The following A2ML1 variants were observed in gnomAD, a reference collection of about 807,000 sequenced individuals.
The protein encoded by A2ML1 is alpha-2-macroglobulin-like protein 1.
Under a neutral mutation model 181.9 loss-of-function variants are expected in A2ML1, and 161 were observed. The ratio of observed to expected loss-of-function variants is 0.89; its 90% CI spans 0.78 to 1.01. The LOEUF (loss-of-function observed/expected upper bound fraction) is 1.01, where lower values mean the gene tolerates loss of function less well. Among genes scored for constraint, A2ML1 ranks in the 50% least tolerant of loss-of-function variants. A2ML1 has a pLI of 0.00. For missense variants in A2ML1, 1,670 were observed against 1,768.1 expected (o/e 0.94, Z 1.00); for synonymous variants, 663 against 666.8 (o/e 0.99, Z 0.09).
chr12:8,832,973 A>T (rs1365813057), intron 4 of A2ML1, among the ~76,000 whole-genome samples: 18 of 61,434 alleles, frequency 2.9e-4, no homozygotes, highest in Admixed American at 9.8e-4. Context: ...CGGAAATGCT[A>T]CTTTCCTTTT....
intron 33 of A2ML1, among the ~76,000 whole-genome samples, chr12:8,873,979 A>C (rs1202073166): frequency 1.3e-5 from 2 of 152,098 alleles, no homozygotes; most frequent in African/African-American, 2.4e-5. Context: ...GTAGCGGTAC[A>C]TAGAGGGTTT....
chr12:8,837,027 T>A (rs2136771721), intron 7 of A2ML1, among the ~76,000 whole-genome samples: 1 of 152,112 alleles, frequency 6.6e-6, no homozygotes, highest in African/African-American at 2.4e-5. Flanking sequence ...AGAGCTTGCT[T>A]TCTTCTTTTT....
intron 15 of A2ML1, 134 bp from the exon 16 acceptor site, chr12:8,848,586 G>A (rs1943782464): frequency 1.7e-5 from 11 of 664,644 alleles, no homozygotes; most frequent in Non-Finnish European, 2.4e-5. Context: ...ATGACAGAAT[G>A]AATATAAAAA....
At position 8,852,286 on chromosome 12, in the gene A2ML1, G is replaced by A. The variant is rs1943919762; in HGVS notation, c.2540G>A (p.Cys847Tyr). The stretch of plus-strand genomic sequence containing the variant: ...GATTCTCAGACCTCCAGTTGTCTCT[G>A]TGCTGATGACGCAAAAACCCACCAC... Reference protein sequence around the residue: ...WADSQTSSCLCADDAKTHHWN... With the variant: ...WADSQTSSCLYADDAKTHHWN... The change falls in exon 20 of 36, where the codon TGT (cysteine) becomes TAT (tyrosine). Residue 847 changes from cysteine to tyrosine, a missense_variant. Physicochemically the swap from Cys to Tyr is radical, Grantham distance 194 (BLOSUM62 -2). Transcript: ENST00000299698. This position sits in a 1 kb window ranked among gnomAD's most constrained non-coding sequence, Gnocchi z 4.2. 3.1e-6 allele frequency: 5 copies of A among 1,614,144 alleles called. No individual in the cohort carries two copies. Among genetic ancestry groups the A allele is most frequent in the African/African-American group, 1.3e-5 (1 of 75,020 alleles).
rs1281571802 is a variant in A2ML1, at chr12:8,857,342, T to C, written c.3025+2T>C. The C allele has an allele frequency of 1.9e-6, 3 of 1,613,830 alleles. No homozygotes were observed. The highest frequency in any genetic ancestry group is 1.7e-4 in the Middle Eastern group (1 of 6,026). ...GGGCAGTGGGTTTCCTGGAAATAGG[T>C]AAGTTGGTTCAGTCTTTCTTTCTTG... On this transcript the variant is annotated splice_donor_variant, in intron 24 of 35. Coordinates refer to ENST00000299698, the MANE Select transcript of A2ML1 (RefSeq NM_144670.6). LOFTEE classifies it high-confidence loss of function.
intron 7 of A2ML1, 143 bp downstream of exon 7, chr12:8,836,482 T>C (rs1267890872): frequency 2.6e-4 from 13 of 49,934 alleles, no homozygotes; most frequent in South Asian, 5.0e-4. Context: ...ATCCAAGACC[T>C]TTTTTTTTTT....
intron 20 of A2ML1, among the ~76,000 whole-genome samples, chr12:8,853,877 T>C (rs1485504402): frequency 6.6e-6 from 1 of 152,140 alleles, no homozygotes; most frequent in Non-Finnish European, 1.5e-5. Flanking sequence ...ACTCAATGGA[T>C]GTAAATATCA....
At chr12:8,863,025 G>A (rs2377610) in intron 28 of A2ML1, among the ~76,000 whole-genome samples, 142,834 of 152,010 alleles carry the variant, frequency 0.94, 67,745 homozygotes, top group East Asian at 1. Context: ...CATATAGTTG[G>A]CCTCATTAGC....
intron 12 of A2ML1, 52 bp from the exon 13 acceptor site, chr12:8,845,390 G>A (rs372894760): frequency 6.3e-7 from 1 of 1,596,810 alleles, no homozygotes; most frequent in South Asian, 1.1e-5. Flanking sequence ...GTTGGTCCAA[G>A]GTGAAATTAC....
chr12:8,832,724 G>T (rs776383621), intron 4 of A2ML1, among the ~76,000 whole-genome samples: 2 of 152,280 alleles, frequency 1.3e-5, no homozygotes, highest in African/African-American at 4.8e-5. Flanking sequence ...CTGCTGAGAG[G>T]GGGCGTAGTG....
chr12:8,836,107 TA>T, intron 6 of A2ML1, 147 bp from the exon 7 acceptor site: 2 of 628,802 alleles, frequency 3.2e-6, no homozygotes, highest in Non-Finnish European at 5.6e-6. Context: ...CTGAACCAGC[TA>T]ATTACTTCAG....
At position 8,851,645 on chromosome 12, in the gene A2ML1, A is replaced by C; in HGVS notation, c.2235-139A>C. Reference sequence around the variant, plus strand: ...GGCCTCAAACTGCTGGGCTGAAGCTATCTGCTCACCTCAGCCTCTCAAAGA... The same window carrying C: ...GGCCTCAAACTGCTGGGCTGAAGCTCTCTGCTCACCTCAGCCTCTCAAAGA... On this transcript the variant is annotated intron_variant, in intron 18 of 35. Transcript: ENST00000299698. 4.0e-6 allele frequency: 3 copies of C among 757,210 alleles called. No individual in the cohort carries two copies. The South Asian group carries it at 5.2e-5, about 13-fold the overall frequency. The allele number at this position is 757,210 out of a possible 1,614,324, so 46.9% of individuals were successfully genotyped here.
chr12:8,834,585 G>T, intron 4 of A2ML1, 77 bp from the exon 5 acceptor site: 1 of 1,545,588 alleles, frequency 6.5e-7, no homozygotes, highest in South Asian at 1.1e-5. Context: ...AATTCTTTGT[G>T]AACTTTTGCT....
intron 7 of A2ML1, among the ~76,000 whole-genome samples, chr12:8,885,267 T>TTAAATAGCG (rs1944911021): frequency 6.6e-6 from 1 of 152,136 alleles, no homozygotes; most frequent in Non-Finnish European, 1.5e-5. Context: ...GAATCTTGCC[T>TTAAATAGCG]GGGTGTGGTG....
At chr12:8,839,066 A>G in intron 9 of A2ML1, 47 bp from the exon 10 acceptor site, 2 of 1,278,084 alleles carry the variant, frequency 1.6e-6, no homozygotes, top group Non-Finnish European at 2.2e-6. Context: ...CGTGAAGATG[A>G]GAATATCAGG....
At chr12:8,861,639 C>T (rs370927490) in intron 28 of A2ML1, among the ~76,000 whole-genome samples, 17 of 152,002 alleles carry the variant, frequency 1.1e-4, no homozygotes, top group African/African-American at 3.9e-4. Context: ...AGGCGCCCAC[C>T]ACCACGCCCG....
At chr12:8,871,995 C>G (rs781083679) in intron 33 of A2ML1, among the ~76,000 whole-genome samples, 1 of 151,904 alleles carries the variant, frequency 6.6e-6, no homozygotes, top group African/African-American at 2.4e-5. Context: ...CTGGCTAACA[C>G]AGTGAAACCC....
chr12:8,823,217 T>C lies in A2ML1; in HGVS notation c.98T>C (p.Phe33Ser). Reference sequence around the variant, plus strand: ...GTGACATTACCAGCCCGGCTAAATTTCCCCTCCGTTCAGAAGGTTTGTTTG... The same window carrying C: ...GTGACATTACCAGCCCGGCTAAATTCCCCCTCCGTTCAGAAGGTTTGTTTG... The part of the protein sequence containing the change: ...YLVTLPARLN[F>S]PSVQKVCLDL... Residue 33 changes from phenylalanine to serine, a missense_variant, in exon 2 of 36, where the codon TTC (phenylalanine) becomes TCC (serine). Coordinates refer to ENST00000299698, the MANE Select transcript of A2ML1 (RefSeq NM_144670.6). 4 of 1,613,918 alleles carry C rather than the reference T, an allele frequency of 2.5e-6. No homozygotes were observed. Among genetic ancestry groups the C allele is most frequent in the Middle Eastern group, 1.6e-4 (1 of 6,062 alleles).
chr12:8,884,224 A>ATTTTTTTTT (rs202171810), intron 7 of A2ML1, among the ~76,000 whole-genome samples: 1 of 93,728 alleles, frequency 1.1e-5, no homozygotes, highest in African/African-American at 4.0e-5. Context: ...TCTTTTTTTT[A>ATTTTTTTTT]TTTTTTGTTT....
Sources: allele counts gnomAD v4.1 joint callset (sites outside exome capture counted in the v4.1 genomes callset), GRCh38; gene constraint gnomAD v4.1.1; non-coding constraint Gnocchi (gnomAD v3.1); transcripts MANE v1.5; gene names NCBI Gene and HGNC (gene_info 2026-07-23, HGNC 2026-07-21).